The following CNTNAP2 variants were observed in gnomAD, a reference collection of about 807,000 sequenced individuals.
CNTNAP2 encodes contactin-associated protein-like 2.
CNTNAP2 carries 98 observed loss-of-function variants against 155.2 expected under a neutral mutation model. The observed-to-expected ratio is 0.63, with a 90% CI of 0.54 to 0.75. The LOEUF (loss-of-function observed/expected upper bound fraction) is 0.75, where lower values mean the gene tolerates loss of function less well. Among genes scored for constraint, CNTNAP2 ranks in the 30% least tolerant of loss-of-function variants. The pLI, the probability that CNTNAP2 is intolerant of heterozygous loss-of-function variation, is 0.00. For missense variants in CNTNAP2, 1,727 were observed against 1,688.1 expected, an observed-to-expected ratio of 1.02 and a Z score of -0.40; for synonymous variants, 651 against 631.2, an observed-to-expected ratio of 1.03 and a Z score of -0.47.
At chr7:146,995,032 C>T (rs1203555823) in intron 3 of CNTNAP2, among the ~76,000 whole-genome samples, 1 of 152,048 alleles carries the variant, frequency 6.6e-6, no homozygotes, top group Non-Finnish European at 1.5e-5. Flanking sequence ...ATTCTATTCT[C>T]TACTTCTATG....
chr7:146,506,895 C>T (rs1797392441), intron 1 of CNTNAP2, among the ~76,000 whole-genome samples: 2 of 152,168 alleles, frequency 1.3e-5, no homozygotes, highest in South Asian at 2.1e-4. Context: ...TACCATGCCT[C>T]ATCAGGAATG....
intron 1 of CNTNAP2, among the ~76,000 whole-genome samples, chr7:146,273,459 T>C (rs1800116508): frequency 6.6e-6 from 1 of 152,140 alleles, no homozygotes. Context: ...AAATACTCAA[T>C]CCTGTGATTG....
chr7:146,889,249 T>TTA (rs1795731835), intron 3 of CNTNAP2, among the ~76,000 whole-genome samples: 1 of 152,194 alleles, frequency 6.6e-6, no homozygotes, highest in Non-Finnish European at 1.5e-5. Context: ...TATAGCTTTC[T>TTA]TATATATATT....
At chr7:146,575,363 C>A (rs553177058) in intron 1 of CNTNAP2, among the ~76,000 whole-genome samples, 2 of 152,314 alleles carry the variant, frequency 1.3e-5, no homozygotes, top group South Asian at 4.1e-4. Context: ...GATCCACCCG[C>A]CTCAGCCTCC....
chr7:148,152,395 C>G (rs764682586), intron 17 of CNTNAP2, among the ~76,000 whole-genome samples: 5 of 151,902 alleles, frequency 3.3e-5, no homozygotes, highest in Non-Finnish European at 7.4e-5. Flanking sequence ...AGCCACAGAA[C>G]TGGTTGAGTT....
intron 1 of CNTNAP2, among the ~76,000 whole-genome samples, chr7:146,662,184 C>T (rs1484175928): frequency 6.6e-6 from 1 of 151,846 alleles, no homozygotes; most frequent in African/African-American, 2.4e-5. Context: ...GTCACCCGGG[C>T]TGGAGTGCAA....
chr7:147,469,517 T>G (rs1233920506), intron 10 of CNTNAP2, among the ~76,000 whole-genome samples: 5 of 76,830 alleles, frequency 6.5e-5, no homozygotes, highest in African/African-American at 3.1e-4. Flanking sequence ...TTTTTTTTTT[T>G]TTTTTTTTTT....
At chr7:146,388,672 C>T (rs1795496370) in intron 1 of CNTNAP2, among the ~76,000 whole-genome samples, 1 of 152,098 alleles carries the variant, frequency 6.6e-6, no homozygotes, top group African/African-American at 2.4e-5. Flanking sequence ...TATAGTCACC[C>T]TATTGTGCTA....
At chr7:146,268,532 T>C (rs998131252) in intron 1 of CNTNAP2, among the ~76,000 whole-genome samples, 5 of 152,180 alleles carry the variant, frequency 3.3e-5, no homozygotes, top group African/African-American at 1.2e-4. Flanking sequence ...TGAATAACCA[T>C]CCATCTTATA....
At chr7:147,813,175 C>T (rs1798209229) in intron 13 of CNTNAP2, among the ~76,000 whole-genome samples, 1 of 149,634 alleles carries the variant, frequency 6.7e-6, no homozygotes, top group Non-Finnish European at 1.5e-5. Flanking sequence ...TATACTATGT[C>T]GAAATGCATT....
chr7:147,309,782 A>G (rs370958576), intron 9 of CNTNAP2, among the ~76,000 whole-genome samples: 3 of 152,116 alleles, frequency 2.0e-5, no homozygotes, highest in African/African-American at 7.2e-5. Flanking sequence ...GGTTTTCTAT[A>G]TAGGTAAATT....
intron 1 of CNTNAP2, among the ~76,000 whole-genome samples, chr7:146,589,758 C>A: frequency 6.6e-6 from 1 of 151,576 alleles, no homozygotes. Context: ...AAAAAAAGCC[C>A]CCAAATATAT....
intron 15 of CNTNAP2, among the ~76,000 whole-genome samples, chr7:148,006,518 C>A (rs1801982895): frequency 6.6e-6 from 1 of 151,420 alleles, no homozygotes; most frequent in African/African-American, 2.4e-5. Flanking sequence ...AGGATTTCAC[C>A]ATGTTGGCCA....
chr7:148,045,729 G>T (rs1401191729), intron 15 of CNTNAP2, among the ~76,000 whole-genome samples: 1 of 152,108 alleles, frequency 6.6e-6, no homozygotes. Flanking sequence ...GACACTACAG[G>T]GACTGCGAAG....
intron 13 of CNTNAP2, among the ~76,000 whole-genome samples, chr7:147,828,044 A>C (rs1798488263): frequency 6.6e-6 from 1 of 152,182 alleles, no homozygotes; most frequent in African/African-American, 2.4e-5. Flanking sequence ...TTCGTTTAAA[A>C]CATGATTTTC....
chr7:147,588,700 T>G (rs1800680503), intron 12 of CNTNAP2, among the ~76,000 whole-genome samples: 1 of 152,204 alleles, frequency 6.6e-6, no homozygotes, highest in African/African-American at 2.4e-5. Flanking sequence ...GCCAGCCTGA[T>G]GCCAAAAGAG....
At chr7:146,505,734 C>T in intron 1 of CNTNAP2, among the ~76,000 whole-genome samples, 1 of 152,180 alleles carries the variant, frequency 6.6e-6, no homozygotes, top group South Asian at 2.1e-4. Flanking sequence ...CCTTTACAGA[C>T]ATTGGGGCAG....
intron 3 of CNTNAP2, among the ~76,000 whole-genome samples, chr7:146,991,894 C>T (rs765532061): frequency 2.0e-5 from 3 of 152,146 alleles, no homozygotes; most frequent in Non-Finnish European, 2.9e-5. Context: ...TACAAGAGTT[C>T]GCTAAGAAGA....
At chr7:146,839,572 C>T (rs1803679328) in intron 2 of CNTNAP2, 139 bp from the exon 3 acceptor site, 1 of 860,072 alleles carries the variant, frequency 1.2e-6, no homozygotes, top group Admixed American at 2.0e-5. Context: ...CCAATGGCAT[C>T]TATAAAGGAT....
Sources: gnomAD v4.1 joint callset for allele counts (sites outside exome capture counted in the v4.1 genomes callset) on GRCh38, gnomAD v4.1.1 for gene constraint, MANE v1.5 for transcripts, NCBI Gene and HGNC (gene_info 2026-07-23, HGNC 2026-07-21) for gene names.